Variants in CNOT1 observed in about 807,000 individuals in gnomAD.
CNOT1 encodes CCR4-associated factor 1.
Under a neutral mutation model 273.8 loss-of-function variants are expected in CNOT1, and 15 were observed. The observed-to-expected ratio is 0.05, with a 90% CI of 0.04 to 0.08. The LOEUF (loss-of-function observed/expected upper bound fraction) is 0.08. Among genes scored for constraint, CNOT1 ranks in the 10% least tolerant of loss-of-function variants. The probability of loss-of-function intolerance (pLI) is 1.00; values close to 1 mark genes in which losing one functional copy is unlikely to be tolerated. For missense variants in CNOT1, 1,644 were observed against 2,912.2 expected, an observed-to-expected ratio of 0.56 and a Z score of 10.02; for synonymous variants, 1,022 against 1,005.5, an observed-to-expected ratio of 1.02 and a Z score of -0.31.
rs192367309 is a variant in CNOT1, at chr16:58,625,489, G to T, written c.-175+4239C>A. ...ATCACACTATTGCACTCCAGCCTGGGCAACAAGAGCAAAACCCTGTTTTAA... is the reference window on the plus strand; with the variant it reads ...ATCACACTATTGCACTCCAGCCTGGTCAACAAGAGCAAAACCCTGTTTTAA... On this transcript the variant is annotated intron_variant, in intron 1 of 48. Coordinates refer to ENST00000317147, the MANE Select transcript of CNOT1 (RefSeq NM_016284.5). Among the ~76,000 whole-genome samples the T allele has an allele frequency of 6.0e-3, 909 of 151,910 alleles. 9 individuals are homozygous for T. The highest frequency in any genetic ancestry group is 0.02 in the African/African-American group (848 of 41,430).
intron 16 of CNOT1, among the ~76,000 whole-genome samples, chr16:58,560,777 C>A (rs752883219): frequency 2.0e-5 from 3 of 152,140 alleles, no homozygotes; most frequent in Non-Finnish European, 4.4e-5. Flanking sequence ...GTAATCCCAG[C>A]ACTTTGGGAG....
chr16:58,537,792 G>T, intron 38 of CNOT1, 99 bp downstream of exon 38: 2 of 1,480,340 alleles, frequency 1.4e-6, no homozygotes, highest in Non-Finnish European at 9.2e-7. Context: ...GGTTGGTAAA[G>T]CAGTTATAAC....
chr16:58,545,613 A>ACCAC, intron 29 of CNOT1, 122 bp from the exon 30 acceptor site: 42 of 1,466,158 alleles, frequency 2.9e-5, no homozygotes, highest in Non-Finnish European at 3.5e-5. Flanking sequence ...AGAGGAGGGA[A>ACCAC]GGATGTAGCA....
intron 1 of CNOT1, among the ~76,000 whole-genome samples, chr16:58,608,406 T>C (rs1449117963): frequency 6.6e-6 from 1 of 151,788 alleles, no homozygotes; most frequent in Non-Finnish European, 1.5e-5. Flanking sequence ...ATACAAAAAA[T>C]TAGCCAGGCA....
At chr16:58,571,123 CAAAACA>C (rs2151958018) in intron 16 of CNOT1, among the ~76,000 whole-genome samples, 1 of 151,864 alleles carries the variant, frequency 6.6e-6, no homozygotes, top group South Asian at 2.1e-4. Context: ...AAACAAAAAA[CAAAACA>C]AAAATATACC....
chr16:58,567,523 C>T (rs1387072477), intron 16 of CNOT1, among the ~76,000 whole-genome samples: 4 of 146,542 alleles, frequency 2.7e-5, no homozygotes, highest in African/African-American at 1.0e-4. Flanking sequence ...ACCTGTAATC[C>T]CAGGTAATTG....
chr16:58,542,607 A>T, intron 31 of CNOT1, 39 bp from the exon 32 acceptor site: 1 of 1,567,554 alleles, frequency 6.4e-7, no homozygotes, highest in Non-Finnish European at 8.7e-7. Context: ...GGGGAATAGA[A>T]GGAAAAAGAC....
At chr16:58,562,941 C>T (rs2040911546) in intron 16 of CNOT1, among the ~76,000 whole-genome samples, 1 of 152,120 alleles carries the variant, frequency 6.6e-6, no homozygotes, top group Non-Finnish European at 1.5e-5. Context: ...GAAAAGAAAG[C>T]TGTTTCACAT....
At chr16:58,581,812 C>A (rs902567644) in intron 10 of CNOT1, among the ~76,000 whole-genome samples, 1 of 152,046 alleles carries the variant, frequency 6.6e-6, no homozygotes, top group Non-Finnish European at 1.5e-5. Flanking sequence ...CAGAAGTACA[C>A]CAACATGCCC....
chr16:58,564,485 C>G (rs534511194), intron 16 of CNOT1, among the ~76,000 whole-genome samples: 1 of 151,940 alleles, frequency 6.6e-6, no homozygotes, highest in Non-Finnish European at 1.5e-5. Context: ...ATTTTATGTC[C>G]TATGCAAAAA....
intron 22 of CNOT1, among the ~76,000 whole-genome samples, 162 bp downstream of exon 22, chr16:58,553,620 C>T (rs994440337): frequency 2.0e-5 from 3 of 152,168 alleles, no homozygotes; most frequent in East Asian, 3.9e-4. Context: ...TCTTGTAAGG[C>T]CACAAAATGA....
chr16:58,626,094 C>A (rs1396556553), intron 1 of CNOT1, among the ~76,000 whole-genome samples: 2 of 152,088 alleles, frequency 1.3e-5, no homozygotes, highest in Admixed American at 1.3e-4. Context: ...ACTTGAAAGT[C>A]TTTTCTTTTA....
Position 58,585,230 on chromosome 16 carries a change from T to C in CNOT1, c.806+108A>G, listed in dbSNP as rs113725544. The C allele has an allele frequency of 5.4e-4, 808 of 1,501,484 alleles. 5 individuals carry two copies. In the African/African-American group the frequency reaches 1.0e-2, roughly 19 times the overall value. 93.0% of individuals were successfully genotyped at this position (1,501,484 alleles called of 1,614,324 possible). ...GATTAAAATTTAGAAGCATGCCTCT[T>C]GAGAAGAAAAGATGATTAACTTTAA... On this transcript the variant is annotated intron_variant, in intron 8 of 48. Transcript: ENST00000317147.
chr16:58,606,241 AT>A (rs2042671279), intron 1 of CNOT1, among the ~76,000 whole-genome samples: 1 of 152,074 alleles, frequency 6.6e-6, no homozygotes, highest in Non-Finnish European at 1.5e-5. Flanking sequence ...TGTCTCTGTA[AT>A]TAAAATATAA....
At chr16:58,597,432 G>A (rs1003142730) in intron 2 of CNOT1, among the ~76,000 whole-genome samples, 10 of 151,782 alleles carry the variant, frequency 6.6e-5, no homozygotes, top group Non-Finnish European at 1.0e-4. Context: ...CTGAGATCGC[G>A]CCACGGTATG....
chr16:58,581,827 A>C (rs1208609611), intron 10 of CNOT1, among the ~76,000 whole-genome samples: 1 of 152,032 alleles, frequency 6.6e-6, no homozygotes, highest in Non-Finnish European at 1.5e-5. Flanking sequence ...ATGCCCAGGT[A>C]ATTTTTTAAA....
intron 9 of CNOT1, 57 bp downstream of exon 9, chr16:58,582,999 A>T (rs2041707297): frequency 1.2e-6 from 2 of 1,606,296 alleles, no homozygotes; most frequent in Admixed American, 3.4e-5. Context: ...TTAATTAAAA[A>T]AAAATAAAGA....
Position 58,549,993 on chromosome 16 carries a change from T to G in CNOT1, c.3343-95A>C, listed in dbSNP as rs936291566. The stretch of plus-strand genomic sequence containing the variant: ...CCATACTATACAGCACATGGCTCCT[T>G]GCAAAACTAACTAGATGCTAAAGAA... On this transcript the variant is annotated intron_variant, in intron 24 of 48. Transcript: ENST00000317147. 5.9e-6 allele frequency: 9 copies of G among 1,534,398 alleles called. No individual in the cohort carries two copies. In the African/African-American group the frequency reaches 1.3e-4, roughly 22 times the overall value.
intron 1 of CNOT1, among the ~76,000 whole-genome samples, chr16:58,601,546 C>A (rs955960664): frequency 6.6e-6 from 1 of 152,058 alleles, no homozygotes; most frequent in African/African-American, 2.4e-5. Flanking sequence ...ATGCAGGAAA[C>A]TCAGGAAGAT....
Sources: gnomAD v4.1 joint callset for allele counts (sites outside exome capture counted in the v4.1 genomes callset) on GRCh38, gnomAD v4.1.1 for gene constraint, MANE v1.5 for transcripts, NCBI Gene and HGNC (gene_info 2026-07-23, HGNC 2026-07-21) for gene names.